DENND1A: variants seen among roughly 807,000 people sequenced by gnomAD.
DENND1A encodes DENN domain-containing protein 1A.
Under a neutral mutation model 113.7 loss-of-function variants are expected in DENND1A, and 51 were observed. The ratio of observed to expected loss-of-function variants is 0.45; its 90% CI spans 0.36 to 0.57. The LOEUF is 0.57. Among genes scored for constraint, DENND1A ranks in the 20% least tolerant of loss-of-function variants. The pLI is 0.00. For missense variants in DENND1A, 1,258 were observed against 1,395.9 expected (o/e 0.90, Z 1.57); for synonymous variants, 565 against 570.8 (o/e 0.99, Z 0.14).
At chr9:123,840,348 T>C (rs10818879) in intron 2 of DENND1A, among the ~76,000 whole-genome samples, 10,085 of 151,862 alleles carry the variant, frequency 0.066, 462 homozygotes, top group African/African-American at 0.13. Flanking sequence ...TTGTCTCTTC[T>C]CATTAATTTT....
At chr9:123,830,765 C>A (rs1840056713) in intron 2 of DENND1A, among the ~76,000 whole-genome samples, 1 of 147,024 alleles carries the variant, frequency 6.8e-6, no homozygotes, top group African/African-American at 2.5e-5. Flanking sequence ...ACTCGGGAGG[C>A]TGAGACAGGA....
chr9:123,840,377 AG>A (rs912768624), intron 2 of DENND1A, among the ~76,000 whole-genome samples: 6 of 152,126 alleles, frequency 3.9e-5, no homozygotes, highest in African/African-American at 1.4e-4. Flanking sequence ...CAAAAAAAAA[AG>A]ACTATTTAAA....
intron 11 of DENND1A, among the ~76,000 whole-genome samples, chr9:123,600,555 C>T (rs2059897703): frequency 6.6e-6 from 1 of 152,154 alleles, no homozygotes; most frequent in Non-Finnish European, 1.5e-5. Flanking sequence ...ATAGGTATTT[C>T]CAGCAGGAAT....
intron 13 of DENND1A, among the ~76,000 whole-genome samples, chr9:123,475,739 A>G (rs56251798): frequency 0.059 from 8,943 of 152,348 alleles, 868 homozygotes; most frequent in African/African-American, 0.2. Flanking sequence ...GTGTCGCCCA[A>G]CAGAGACTAA....
intron 6 of DENND1A, among the ~76,000 whole-genome samples, chr9:123,675,982 C>T (rs1172133606): frequency 6.6e-6 from 1 of 152,142 alleles, no homozygotes; most frequent in Non-Finnish European, 1.5e-5. Context: ...TTAACAATTT[C>T]CAATAATAGG....
chr9:123,515,564 G>A (rs192766854), intron 13 of DENND1A, among the ~76,000 whole-genome samples: 28 of 152,328 alleles, frequency 1.8e-4, no homozygotes, highest in African/African-American at 5.8e-4. Context: ...CATAGGTGAA[G>A]GGTAAATGGG....
rs907250077 is a variant in DENND1A at position 123,422,409 on chromosome 9, A to T, written c.1489-10580T>A. 6.6e-6 allele frequency among the ~76,000 whole-genome samples: 1 copy of T among 152,244 alleles called. No individual in the cohort carries two copies. Among genetic ancestry groups the T allele is most frequent in the African/African-American group, 2.4e-5 (1 of 41,472 alleles). On this transcript the variant is annotated intron_variant, in intron 19 of 23. Transcript: ENST00000394215. The surrounding 1 kb of genome is among the most constrained non-coding windows in gnomAD (Gnocchi z 4.8). ...CAAAGCAATAGACTTTTTGAGTGGA[A>T]TGCAAACGTGGAAGCAATGGGAAGC... is the stretch of plus-strand genomic sequence containing the variant.
chr9:123,555,803 A>T (rs1227462752), intron 13 of DENND1A, among the ~76,000 whole-genome samples: 2 of 152,156 alleles, frequency 1.3e-5, no homozygotes, highest in African/African-American at 4.8e-5. Context: ...CCCGTGGAGG[A>T]GCCTGTGCCC....
At chr9:123,721,996 C>T (rs1010042788) in intron 5 of DENND1A, among the ~76,000 whole-genome samples, 4 of 152,120 alleles carry the variant, frequency 2.6e-5, no homozygotes, top group South Asian at 2.1e-4. Flanking sequence ...CAGAAGAAGA[C>T]AGGAAAATGT....
At chr9:123,544,054 C>T (rs1418499387) in intron 13 of DENND1A, among the ~76,000 whole-genome samples, 1 of 152,198 alleles carries the variant, frequency 6.6e-6, no homozygotes, top group South Asian at 2.1e-4. Context: ...TTAATACAAT[C>T]CCTAATAAAT....
intron 5 of DENND1A, among the ~76,000 whole-genome samples, chr9:123,740,209 A>G (rs1028995498): frequency 1.3e-5 from 2 of 152,230 alleles, no homozygotes; most frequent in African/African-American, 2.4e-5. Context: ...TGTGCAAAAC[A>G]GAACTTAAGT....
chr9:123,568,528 G>A (rs2058177814), intron 12 of DENND1A, among the ~76,000 whole-genome samples: 1 of 152,154 alleles, frequency 6.6e-6, no homozygotes. Flanking sequence ...ATATTCTAGG[G>A]CATCAATTAC....
At chr9:123,899,481 T>G (rs1386414394) in intron 1 of DENND1A, among the ~76,000 whole-genome samples, 1 of 152,180 alleles carries the variant, frequency 6.6e-6, no homozygotes, top group Non-Finnish European at 1.5e-5. Flanking sequence ...TTTCCCAATT[T>G]GCATGAAAAA....
rs541455467 is a variant in DENND1A, at chr9:123,477,833, T to C, written c.994-19936A>G. Among the ~76,000 whole-genome samples, 15 of 152,202 alleles carry C rather than the reference T, an allele frequency of 9.9e-5. No individual in the cohort carries two copies. In the South Asian group the frequency reaches 2.1e-3, roughly 21 times the overall value. ...TTAAATGAAATTGCTTTCCAAATCC[T>C]GCTCGGGGACTGCCTCAGTTTCTCC... On this transcript the variant is annotated intron_variant, in intron 13 of 23. Transcript: ENST00000394215.
intron 12 of DENND1A, among the ~76,000 whole-genome samples, chr9:123,575,976 G>A (rs896795273): frequency 3.1e-4 from 47 of 152,256 alleles, no homozygotes; most frequent in African/African-American, 1.0e-3. Flanking sequence ...AACCAACATA[G>A]TTGAATAAAT....
At chr9:123,554,448 C>T (rs2135971386) in intron 13 of DENND1A, among the ~76,000 whole-genome samples, 1 of 152,318 alleles carries the variant, frequency 6.6e-6, no homozygotes, top group South Asian at 2.1e-4. Context: ...AATGTGCCAC[C>T]ATGCCTGGCT....
intron 2 of DENND1A, among the ~76,000 whole-genome samples, 171 bp from the exon 3 acceptor site, chr9:123,792,801 A>G (rs73666285): frequency 0.016 from 2,412 of 152,262 alleles, 71 homozygotes; most frequent in African/African-American, 0.056. Flanking sequence ...AGGCACTCCC[A>G]TTACCCTCCT....
intron 1 of DENND1A, among the ~76,000 whole-genome samples, chr9:123,896,776 G>A (rs1850823804): frequency 6.6e-6 from 1 of 152,072 alleles, no homozygotes; most frequent in African/African-American, 2.4e-5. Flanking sequence ...ACCAGGGAGA[G>A]AATTCATGAA....
intron 2 of DENND1A, among the ~76,000 whole-genome samples, chr9:123,848,228 TAAAAAAA>T (rs375535777): frequency 0.023 from 1,390 of 60,474 alleles, 13 homozygotes; most frequent in Non-Finnish European, 0.031. Context: ...GATACTGCTT[TAAAAAAA>T]AAAAAAAAAA....
Sources: allele counts gnomAD v4.1 joint callset (sites outside exome capture counted in the v4.1 genomes callset), GRCh38; gene constraint gnomAD v4.1.1; non-coding constraint Gnocchi (gnomAD v3.1); transcripts MANE v1.5; gene names NCBI Gene and HGNC (gene_info 2026-07-23, HGNC 2026-07-21).